FBXO10: variants seen among roughly 807,000 people sequenced by gnomAD.
The protein encoded by FBXO10 is F-box only protein 10.
FBXO10 carries 39 observed loss-of-function variants against 80.7 expected under a neutral mutation model. The ratio of observed to expected loss-of-function variants is 0.48; its 90% CI spans 0.37 to 0.63. The LOEUF is 0.63. Ranked by LOEUF, FBXO10 falls within the 30% of genes least tolerant of loss-of-function variation. The pLI is 0.00. For synonymous variants in FBXO10, 449 were observed against 489.6 expected (o/e 0.92, Z 1.09); for missense variants, 1,025 against 1,269.0 (o/e 0.81, Z 2.92).
intron 6 of FBXO10, 40 bp downstream of exon 6, chr9:37,525,062 T>C (rs1384521846): frequency 1.8e-5 from 27 of 1,538,412 alleles, no homozygotes; most frequent in Non-Finnish European, 2.4e-5. Flanking sequence ...CCAGGGGACC[T>C]TGGCCTGGCT....
rs149059915 is a variant in FBXO10, at chr9:37,539,696, T to C, written c.585+1488A>G. ...CAGTTCTTCTGAAATGCTCTAGGGC[T>C]AAAACACAAGCTTTTAAGCTTTCAG... On this transcript the variant is annotated intron_variant, in intron 2 of 10. Coordinates refer to ENST00000432825, the MANE Select transcript of FBXO10 (RefSeq NM_012166.3). 3.1e-4 allele frequency among the ~76,000 whole-genome samples: 47 copies of C among 152,362 alleles called. No homozygotes were observed. In the East Asian group the frequency reaches 8.5e-3, roughly 27 times the overall value.
At position 37,541,379 on chromosome 9, in the gene FBXO10, C is replaced by T. The variant is rs777626785; in HGVS notation, c.390G>A (p.Leu130=). The T allele has an allele frequency of 6.2e-6, 10 of 1,613,838 alleles. No individual in the cohort carries two copies. The highest frequency in any genetic ancestry group is 5.5e-5 in the South Asian group (5 of 91,074). Residue 130 remains leucine (L), a synonymous_variant, in exon 2 of 11, where the codon CTG becomes CTA. Transcript: ENST00000432825. ...SLGSALAMAS[L]YDRIVLFPGV... ...CTGGGAAGAGCACAATTCGGTCATA[C>T]AGGCTGGCCATGGCCAAGGCACTGC...
At chr9:37,527,025 A>G (rs964698633) in intron 5 of FBXO10, among the ~76,000 whole-genome samples, 2 of 151,606 alleles carry the variant, frequency 1.3e-5, no homozygotes, top group Non-Finnish European at 2.9e-5. Flanking sequence ...TATTTTTTAT[A>G]TTTTTAGTAG....
At chr9:37,546,156 A>G (rs1227122047) in intron 1 of FBXO10, among the ~76,000 whole-genome samples, 1 of 151,692 alleles carries the variant, frequency 6.6e-6, no homozygotes, top group Non-Finnish European at 1.5e-5. Context: ...AAAAAAAAAG[A>G]CTGTGATTTT....
At chr9:37,525,419 C>T (rs1286337670) in intron 5 of FBXO10, among the ~76,000 whole-genome samples, 2 of 152,146 alleles carry the variant, frequency 1.3e-5, no homozygotes, top group African/African-American at 4.8e-5. Flanking sequence ...ATAAGCCAGG[C>T]ATATAGAAAT....
At chr9:37,573,532 C>T (rs1033479980) in intron 1 of FBXO10, among the ~76,000 whole-genome samples, 3 of 152,174 alleles carry the variant, frequency 2.0e-5, no homozygotes, top group African/African-American at 7.2e-5. Context: ...TGCCATATAG[C>T]TGTGTCAGGA....
chr9:37,571,189 T>C lies in FBXO10; in HGVS notation c.-7+5022A>G, dbSNP rs59135142. Among the ~76,000 whole-genome samples, 1,022 of 152,232 alleles carry C rather than the reference T, an allele frequency of 6.7e-3. 17 individuals carry two copies. Among genetic ancestry groups the C allele is most frequent in the African/African-American group, 0.023 (966 of 41,530 alleles). ...CCCAGGTGGCTTCATCACCAAGTTC[T>C]ATCATACATTCAAGGGACAAAGAAG... On this transcript the variant is annotated intron_variant, in intron 1 of 10. Transcript: ENST00000432825.
At chr9:37,549,843 C>G (rs1044554078) in intron 1 of FBXO10, among the ~76,000 whole-genome samples, 1 of 152,168 alleles carries the variant, frequency 6.6e-6, no homozygotes, top group Non-Finnish European at 1.5e-5. Context: ...TGGCATTGTA[C>G]CTTTTTATTA....
At chr9:37,573,238 G>T (rs147325188) in intron 1 of FBXO10, among the ~76,000 whole-genome samples, 2 of 152,150 alleles carry the variant, frequency 1.3e-5, no homozygotes, top group Non-Finnish European at 2.9e-5. Context: ...TCTCTTGGGT[G>T]GTCTAGATGA....
intron 7 of FBXO10, chr9:37,522,471 C>T: frequency 2.9e-6 from 3 of 1,048,114 alleles, no homozygotes; most frequent in Non-Finnish European, 3.4e-6. Flanking sequence ...CTTGTTTTCC[C>T]ATTATATTTT....
rs1209466422 is a variant in FBXO10, at chr9:37,525,967, A to G, written c.1707-795T>C. Among the ~76,000 whole-genome samples the G allele has an allele frequency of 2.0e-5, 3 of 151,852 alleles. No homozygotes were observed. The East Asian group carries it at 5.8e-4, about 29-fold the overall frequency. ...CCTCTTGCACTCAAGTGATCCTCCCACCTCAGCCTCCCAAGTAGCTGGGAC... is the reference window on the plus strand; with the variant it reads ...CCTCTTGCACTCAAGTGATCCTCCCGCCTCAGCCTCCCAAGTAGCTGGGAC... On this transcript the variant is annotated intron_variant, in intron 5 of 10. Transcript: ENST00000432825.
At chr9:37,561,761 G>A (rs58852720) in intron 1 of FBXO10, among the ~76,000 whole-genome samples, 8,881 of 152,196 alleles carry the variant, frequency 0.058, 334 homozygotes, top group South Asian at 0.17. Context: ...GACAATAAAC[G>A]AAAAAGATAT....
intron 9 of FBXO10, among the ~76,000 whole-genome samples, chr9:37,516,363 A>G (rs1382399418): frequency 6.6e-6 from 1 of 152,192 alleles, no homozygotes; most frequent in African/African-American, 2.4e-5. Context: ...CCTGGCAGAG[A>G]GGGGAGGCAG....
In FBXO10 at chr9:37,544,122, A is replaced by C. The variant is rs113411356; in HGVS notation, c.-6-2348T>G. 3.8e-4 allele frequency among the ~76,000 whole-genome samples: 58 copies of C among 152,346 alleles called. 1 individual carries two copies. The highest frequency in any genetic ancestry group is 1.4e-3 in the African/African-American group (57 of 41,580). On this transcript the variant is annotated intron_variant, in intron 1 of 10. Transcript: ENST00000432825. The stretch of plus-strand genomic sequence containing the variant: ...CCTCTACTAAAAATACAAAAAAATT[A>C]GCCGGGTTTGGGGGCGTGCGCCTGT...
chr9:37,555,651 G>A (rs1011945746), intron 1 of FBXO10, among the ~76,000 whole-genome samples: 16 of 152,254 alleles, frequency 1.1e-4, no homozygotes, highest in African/African-American at 3.6e-4. Flanking sequence ...AAAGCACTGG[G>A]ATTACAGGCG....
intron 10 of FBXO10, among the ~76,000 whole-genome samples, chr9:37,514,322 G>A (rs368899181): frequency 2.0e-5 from 3 of 152,164 alleles, no homozygotes; most frequent in Non-Finnish European, 2.9e-5. Context: ...GACAATACCA[G>A]AGCTGGCATT....
intron 1 of FBXO10, among the ~76,000 whole-genome samples, chr9:37,560,539 C>T (rs949340321): frequency 6.6e-6 from 1 of 152,184 alleles, no homozygotes; most frequent in African/African-American, 2.4e-5. Flanking sequence ...ATGCACATTT[C>T]CTATCATTCC....
At chr9:37,547,461 A>G (rs1822085028) in intron 1 of FBXO10, among the ~76,000 whole-genome samples, 1 of 152,288 alleles carries the variant, frequency 6.6e-6, no homozygotes, top group African/African-American at 2.4e-5. Flanking sequence ...AAAACAAAAA[A>G]TTAGCTGAGT....
intron 2 of FBXO10, among the ~76,000 whole-genome samples, chr9:37,539,591 T>C (rs1297942091): frequency 3.3e-5 from 5 of 152,178 alleles, no homozygotes. Flanking sequence ...TATTACAAAA[T>C]GTGAAGGGTC....
Sources: allele counts gnomAD v4.1 joint callset (sites outside exome capture counted in the v4.1 genomes callset), GRCh38; gene constraint gnomAD v4.1.1; transcripts MANE v1.5; gene names NCBI Gene and HGNC (gene_info 2026-07-23, HGNC 2026-07-21).